The following RFC3 variants were observed in gnomAD, a reference collection of about 807,000 sequenced individuals.
RFC3 encodes A1 38 kDa subunit.
Under a neutral mutation model 45.1 loss-of-function variants are expected in RFC3, and 41 were observed. That is an observed-to-expected ratio of 0.91 (90% CI 0.71 to 1.18). The LOEUF (loss-of-function observed/expected upper bound fraction) is 1.18, where lower values mean the gene tolerates loss of function less well. Ranked by LOEUF, RFC3 falls within the 50% of genes most tolerant of loss-of-function variation. RFC3 has a pLI of 0.00. For missense variants in RFC3, 423 were observed against 428.1 expected (o/e 0.99, Z 0.10); for synonymous variants, 149 against 144.0 (o/e 1.03, Z -0.25).
chr13:33,896,157 A>G (rs1350311889), intron 8 of RFC3, among the ~76,000 whole-genome samples: 1 of 151,596 alleles, frequency 6.6e-6, no homozygotes, highest in African/African-American at 2.4e-5. Context: ...AAAGCTATTG[A>G]AACAAAGAAA....
intron 8 of RFC3, among the ~76,000 whole-genome samples, chr13:33,951,005 A>G (rs2082986409): frequency 7.1e-6 from 1 of 140,418 alleles, no homozygotes. Context: ...GTTCTTGAAG[A>G]CTTCCCTGAT....
At chr13:33,915,866 T>C (rs1411280697) in intron 8 of RFC3, among the ~76,000 whole-genome samples, 1 of 152,124 alleles carries the variant, frequency 6.6e-6, no homozygotes, top group Non-Finnish European at 1.5e-5. Flanking sequence ...CGGTGCGATC[T>C]CGGCTCATTG....
At chr13:33,933,955 C>T (rs1016466547) in intron 8 of RFC3, among the ~76,000 whole-genome samples, 1 of 150,838 alleles carries the variant, frequency 6.6e-6, no homozygotes, top group African/African-American at 2.4e-5. Context: ...GAGGGCGAGA[C>T]TGGCAGACAG....
At chr13:33,860,029 T>C (rs1044757222) in intron 8 of RFC3, among the ~76,000 whole-genome samples, 4 of 152,124 alleles carry the variant, frequency 2.6e-5, no homozygotes, top group African/African-American at 9.7e-5. Context: ...GGGGCATGCA[T>C]AGATGAAAGA....
chr13:33,968,861 C>A (rs2083099545), downstream of RFC3, among the ~76,000 whole-genome samples: 1 of 152,190 alleles, frequency 6.6e-6, no homozygotes, highest in Non-Finnish European at 1.5e-5. Flanking sequence ...GAACAAGGCT[C>A]TGAAGTTTTA....
intron 8 of RFC3, among the ~76,000 whole-genome samples, chr13:33,897,261 G>T (rs187576706): frequency 6.6e-6 from 1 of 151,014 alleles, no homozygotes; most frequent in African/African-American, 2.5e-5. Flanking sequence ...AAAATGTGGG[G>T]GAATGAAGTT....
intron 8 of RFC3, among the ~76,000 whole-genome samples, chr13:33,937,021 TA>T (rs1407210968): frequency 1.3e-5 from 2 of 152,164 alleles, no homozygotes; most frequent in Admixed American, 1.3e-4. Context: ...CTATGTTAAT[TA>T]TCTTGATTGT....
intron 8 of RFC3, among the ~76,000 whole-genome samples, chr13:33,871,746 A>G (rs908423297): frequency 2.6e-5 from 4 of 152,134 alleles, no homozygotes; most frequent in African/African-American, 9.7e-5. Flanking sequence ...AGCCTAAACC[A>G]TGTAGTAACA....
chr13:33,895,706 A>G lies in RFC3; in HGVS notation c.879+60489A>G, dbSNP rs569810164. Among the ~76,000 whole-genome samples the G allele has an allele frequency of 7.2e-5, 11 of 152,310 alleles. No homozygotes were observed. In the East Asian group the frequency reaches 1.9e-3, roughly 27 times the overall value. On this transcript the variant is annotated intron_variant, in intron 8 of 8. Transcript: ENST00000434425. ...TTATATCATAAAGACAGCTGCACAC[A>G]TATGTTTACTTCAGCACAATTCATA...
At chr13:33,830,658 C>T in intron 5 of RFC3, 61 bp from the exon 6 acceptor site, 1 of 1,414,280 alleles carries the variant, frequency 7.1e-7, no homozygotes, top group Non-Finnish European at 9.8e-7. Flanking sequence ...AGGATATCAA[C>T]AGAAATGAAT....
chr13:33,895,707 T>TA (rs1300879566), intron 8 of RFC3, among the ~76,000 whole-genome samples: 2 of 152,150 alleles, frequency 1.3e-5, no homozygotes, highest in Non-Finnish European at 2.9e-5. Context: ...GCTGCACACA[T>TA]ATGTTTACTT....
Position 33,829,860 on chromosome 13 carries a change from A to G in RFC3, c.416A>G (p.Lys139Arg), listed in dbSNP as rs768090866. Reference sequence around the variant, plus strand: ...GTGGTATTATTGACAGAAGTTGACAAACTCACCAAAGATGCTCAGCATGCC... The same window carrying G: ...GTGGTATTATTGACAGAAGTTGACAGACTCACCAAAGATGCTCAGCATGCC... ...FKVVLLTEVD[K>R]LTKDAQHALR... The change falls in exon 5 of 9, where the codon AAA (lysine) becomes AGA (arginine). Residue 139 changes from lysine (K) to arginine (R), a missense_variant. Transcript: ENST00000380071. The G allele has an allele frequency of 1.2e-6, 2 of 1,614,108 alleles. No individual in the cohort carries two copies. Among genetic ancestry groups the G allele is most frequent in the Admixed American group, 1.7e-5 (1 of 60,018 alleles).
chr13:33,824,680 G>T (rs2082033370), intron 3 of RFC3, among the ~76,000 whole-genome samples: 1 of 152,134 alleles, frequency 6.6e-6, no homozygotes, highest in African/African-American at 2.4e-5. Flanking sequence ...GGAGAGGGAG[G>T]AGACCGAATG....
intron 8 of RFC3, among the ~76,000 whole-genome samples, chr13:33,943,926 A>G (rs1297613507): frequency 6.6e-6 from 1 of 152,186 alleles, no homozygotes; most frequent in Admixed American, 6.5e-5. Flanking sequence ...CAAGGGCATG[A>G]GTCATTGGCT....
chr13:33,907,866 A>G (rs2082680559), intron 8 of RFC3, among the ~76,000 whole-genome samples: 1 of 152,106 alleles, frequency 6.6e-6, no homozygotes, highest in African/African-American at 2.4e-5. Flanking sequence ...TCACATTTCA[A>G]CATTAAAGTC....
intron 8 of RFC3, among the ~76,000 whole-genome samples, chr13:33,951,735 TTAATA>T (rs1417948724): frequency 6.6e-6 from 1 of 152,172 alleles, no homozygotes; most frequent in Non-Finnish European, 1.5e-5. Flanking sequence ...ATACAGGTGT[TTAATA>T]TAATAACAAG....
intron 8 of RFC3, among the ~76,000 whole-genome samples, chr13:33,957,590 T>C (rs9592155): frequency 0.038 from 5,853 of 152,198 alleles, 368 homozygotes; most frequent in African/African-American, 0.13. Flanking sequence ...CCAATTCTGC[T>C]TGCTCTAAAG....
intron 8 of RFC3, among the ~76,000 whole-genome samples, chr13:33,923,291 T>A (rs2082781313): frequency 6.6e-6 from 1 of 152,062 alleles, no homozygotes; most frequent in African/African-American, 2.4e-5. Context: ...ACAGACACCC[T>A]GAAGCCTTTC....
At chr13:33,844,449 T>G (rs1442185223) in intron 8 of RFC3, among the ~76,000 whole-genome samples, 3 of 152,174 alleles carry the variant, frequency 2.0e-5, no homozygotes, top group East Asian at 1.9e-4. Context: ...GTTTTCTGGT[T>G]GTTTTGTGGC....
Sources: allele counts gnomAD v4.1 joint callset (sites outside exome capture counted in the v4.1 genomes callset), GRCh38; gene constraint gnomAD v4.1.1; transcripts MANE v1.5; gene names NCBI Gene and HGNC (gene_info 2026-07-23, HGNC 2026-07-21).